KIF26B: variants seen among roughly 807,000 people sequenced by gnomAD.
KIF26B encodes kinesin family member 26B, also known as kinesin-like protein KIF26B.
In KIF26B, 63 loss-of-function variants were observed where a neutral mutation model predicts 151.2. That is an observed-to-expected ratio of 0.42 (90% CI 0.34 to 0.51). The LOEUF (loss-of-function observed/expected upper bound fraction) is 0.51. Among genes scored for constraint, KIF26B ranks in the 20% least tolerant of loss-of-function variants. KIF26B has a pLI of 0.07. For synonymous variants in KIF26B, 1,357 were observed against 1,262.1 expected (o/e 1.08, Z -1.59); for missense variants, 2,813 against 2,913.6 (o/e 0.97, Z 0.79).
At chr1:245,668,219 C>T (rs7546354) in intron 10 of KIF26B, among the ~76,000 whole-genome samples, 22 of 152,210 alleles carry the variant, frequency 1.4e-4, no homozygotes, top group South Asian at 2.1e-4. Flanking sequence ...TCTTCTTATC[C>T]GCAGCAGGAC....
rs1558267176 is a variant in KIF26B at position 245,681,228 on chromosome 1, G to GAGTC, written c.2259-3003_2259-3002insTCAG. 4.5e-5 allele frequency among the ~76,000 whole-genome samples: 6 copies of GAGTC among 132,250 alleles called. No homozygotes were observed. The East Asian group carries it at 1.4e-3, about 30-fold the overall frequency. The allele number at this position is 132,250 out of a possible 152,430, so 86.8% of individuals were successfully genotyped here. A position where few individuals can be genotyped will look rare whatever the true frequency, so the allele number is the denominator to read the frequency against. ...GTTTTCTTTTCTTTTTTTTTTTTTT[G>GAGTC]AGACAGAGTCTCGCTCTGTCGCCCA... On this transcript the variant is annotated intron_variant, in intron 10 of 14. Transcript: ENST00000407071.
chr1:245,563,411 C>T lies in KIF26B; in HGVS notation c.1350+22461C>T, dbSNP rs1050855535. 5.9e-5 allele frequency among the ~76,000 whole-genome samples: 9 copies of T among 152,180 alleles called. No individual in the cohort carries two copies. The South Asian group carries it at 6.2e-4, about 10-fold the overall frequency. The stretch of plus-strand genomic sequence containing the variant: ...ATCTTCTCAAGGATCACTGGTCTTT[C>T]GCATATACCCTCTTGCTCCCGAATC... On this transcript the variant is annotated intron_variant, in intron 5 of 14. Coordinates refer to ENST00000407071, the MANE Select transcript of KIF26B (RefSeq NM_018012.4). The surrounding 1 kb of genome is among the most constrained non-coding windows in gnomAD (Gnocchi z 4.6).
rs867458541 is a variant in KIF26B, at chr1:245,246,924, G to C, written c.465+90241G>C. Reference sequence around the variant, plus strand: ...ACACACACAGACACAGACACACACAGACACAGACACACACAGATACAGACA... The same window carrying C: ...ACACACACAGACACAGACACACACACACACAGACACACACAGATACAGACA... On this transcript the variant is annotated intron_variant, in intron 2 of 14. Transcript: ENST00000407071. Among the ~76,000 whole-genome samples the C allele has an allele frequency of 3.5e-5, 5 of 141,942 alleles. No individual in the cohort carries two copies. The East Asian group carries it at 6.2e-4, about 18-fold the overall frequency. The allele number at this position is 141,942 out of a possible 152,430, so 93.1% of individuals were successfully genotyped here.
intron 2 of KIF26B, among the ~76,000 whole-genome samples, chr1:245,169,111 C>T (rs1297174881): frequency 6.6e-6 from 1 of 152,144 alleles, no homozygotes; most frequent in Admixed American, 6.5e-5. Flanking sequence ...GCACGAGCCC[C>T]AGGAACACCA....
At chr1:245,504,844 G>A (rs1660700601) in intron 4 of KIF26B, among the ~76,000 whole-genome samples, 1 of 152,042 alleles carries the variant, frequency 6.6e-6, no homozygotes, top group Non-Finnish European at 1.5e-5. Flanking sequence ...CAAAAGAAAT[G>A]GTAAAATTTT....
chr1:245,559,825 C>T (rs1204606000), intron 5 of KIF26B, among the ~76,000 whole-genome samples: 1 of 152,174 alleles, frequency 6.6e-6, no homozygotes, highest in African/African-American at 2.4e-5. Flanking sequence ...GGATTACAGG[C>T]GTGAGCCACC....
intron 5 of KIF26B, among the ~76,000 whole-genome samples, chr1:245,544,330 A>G (rs1483166521): frequency 6.6e-6 from 1 of 152,198 alleles, no homozygotes; most frequent in Non-Finnish European, 1.5e-5. Flanking sequence ...AAGTTGATTG[A>G]TTATTTAAAC....
chr1:245,411,453 C>G (rs977814574), intron 3 of KIF26B, among the ~76,000 whole-genome samples: 2 of 152,210 alleles, frequency 1.3e-5, no homozygotes, highest in African/African-American at 2.4e-5. Flanking sequence ...TAGGAGGCAT[C>G]CCAGTGCTTC....
intron 1 of KIF26B, 53 bp downstream of exon 1, chr1:245,155,540 A>T: frequency 6.8e-7 from 1 of 1,469,172 alleles, no homozygotes; most frequent in Non-Finnish European, 9.4e-7. Context: ...ATCTCGGCGG[A>T]GGTCCCCCTT....
At chr1:245,272,690 G>T (rs1195158445) in intron 2 of KIF26B, among the ~76,000 whole-genome samples, 1 of 151,474 alleles carries the variant, frequency 6.6e-6, no homozygotes, top group Admixed American at 6.6e-5. Context: ...TATTGTTTTT[G>T]CTACAGCTCA....
intron 3 of KIF26B, among the ~76,000 whole-genome samples, chr1:245,395,453 T>A (rs991370382): frequency 6.6e-6 from 1 of 152,204 alleles, no homozygotes; most frequent in Admixed American, 6.5e-5. Context: ...AACTTTCCTG[T>A]TCGCTGCAGA....
chr1:245,314,318 G>C (rs1305638374), intron 2 of KIF26B, among the ~76,000 whole-genome samples: 1 of 152,146 alleles, frequency 6.6e-6, no homozygotes, highest in African/African-American at 2.4e-5. Context: ...CAGGCGTGGT[G>C]GTGGGCGCCT....
Position 245,367,104 on chromosome 1 carries a change from G to A in KIF26B, c.736G>A (p.Ala246Thr). ...TGGGCTCCAGCAGCCCAGAGACTGG[G>A]CCTTTGTGCCCGCCCCCTGTGCCAC... is the stretch of plus-strand genomic sequence containing the variant. ...VGGLQQPRDW[A>T]FVPAPCATSN... Residue 246 changes from alanine to threonine, a missense_variant, in exon 3 of 15, where the codon GCC becomes ACC. By Grantham distance (58) the Ala-to-Thr change is moderately conservative (BLOSUM62 0). Transcript: ENST00000407071. This position sits in a 1 kb window ranked among gnomAD's most constrained non-coding sequence, Gnocchi z 4.2. 6.3e-7 allele frequency: 1 copy of A among 1,596,086 alleles called. No individual in the cohort carries two copies. Among genetic ancestry groups the A allele is most frequent in the Non-Finnish European group, 8.5e-7 (1 of 1,171,486 alleles).
intron 2 of KIF26B, among the ~76,000 whole-genome samples, chr1:245,293,231 G>A (rs1009747075): frequency 6.6e-6 from 1 of 152,032 alleles, no homozygotes; most frequent in Non-Finnish European, 1.5e-5. Flanking sequence ...GCTTGGCAAT[G>A]TCCTGATCAG....
intron 5 of KIF26B, among the ~76,000 whole-genome samples, chr1:245,543,718 G>A (rs960836327): frequency 1.8e-4 from 28 of 152,200 alleles, no homozygotes; most frequent in African/African-American, 6.8e-4. Context: ...GGGAGGCCGA[G>A]GCGGGCGGAT....
intron 2 of KIF26B, among the ~76,000 whole-genome samples, chr1:245,249,010 G>A (rs937594424): frequency 2.6e-5 from 4 of 152,198 alleles, no homozygotes; most frequent in Non-Finnish European, 4.4e-5. Flanking sequence ...AAGTGAGTTC[G>A]CTTTAGCTGA....
chr1:245,429,333 T>C (rs1658722727), intron 4 of KIF26B, among the ~76,000 whole-genome samples: 1 of 152,218 alleles, frequency 6.6e-6, no homozygotes, highest in African/African-American at 2.4e-5. Flanking sequence ...ACAGGCTGTT[T>C]AGGTGGCCCT....
At chr1:245,317,969 C>T (rs1042681587) in intron 2 of KIF26B, among the ~76,000 whole-genome samples, 2 of 152,204 alleles carry the variant, frequency 1.3e-5, no homozygotes, top group Non-Finnish European at 2.9e-5. Context: ...ATTTCACACT[C>T]TTAACAAGCT....
chr1:245,179,697 T>C (rs1411579829), intron 2 of KIF26B, among the ~76,000 whole-genome samples: 2 of 152,030 alleles, frequency 1.3e-5, no homozygotes, highest in Non-Finnish European at 1.5e-5. Context: ...GGGAGATAAG[T>C]GTGTAAACAA....
Sources: gnomAD v4.1 joint callset for allele counts (sites outside exome capture counted in the v4.1 genomes callset) on GRCh38, gnomAD v4.1.1 for gene constraint, Gnocchi (gnomAD v3.1) non-coding constraint, MANE v1.5 for transcripts, NCBI Gene and HGNC (gene_info 2026-07-23, HGNC 2026-07-21) for gene names.